Variants in INPP5D observed in about 807,000 individuals in gnomAD.
INPP5D encodes phosphatidylinositol 3,4,5-trisphosphate 5-phosphatase 1.
INPP5D carries 33 observed loss-of-function variants against 122.9 expected under a neutral mutation model. The observed-to-expected ratio is 0.27, with a 90% CI of 0.20 to 0.36. The LOEUF is 0.36. Ranked by LOEUF, INPP5D falls within the 10% of genes least tolerant of loss-of-function variation. INPP5D has a pLI of 1.00. For synonymous variants in INPP5D, 584 were observed against 576.2 expected (o/e 1.01, Z -0.19); for missense variants, 1,053 against 1,412.7 (o/e 0.75, Z 4.08).
intron 2 of INPP5D, among the ~76,000 whole-genome samples, chr2:233,102,837 A>G (rs932137077): frequency 1.4e-4 from 21 of 146,398 alleles, no homozygotes; most frequent in African/African-American, 5.2e-4. Context: ...GCGACAGAGC[A>G]AGACTCCGTC....
chr2:233,141,961 A>T (rs1246971130), intron 6 of INPP5D, among the ~76,000 whole-genome samples: 1 of 152,246 alleles, frequency 6.6e-6, no homozygotes, highest in Non-Finnish European at 1.5e-5. Flanking sequence ...GCTTTCTCTG[A>T]AGTGAATGAT....
intron 2 of INPP5D, among the ~76,000 whole-genome samples, chr2:233,092,708 G>C (rs956870320): frequency 3.3e-5 from 5 of 152,326 alleles, no homozygotes; most frequent in Middle Eastern, 3.4e-3. Flanking sequence ...CAATTTCAAA[G>C]GCAAACATTG....
chr2:233,110,684 A>C (rs1014674377), intron 2 of INPP5D, among the ~76,000 whole-genome samples: 6 of 152,174 alleles, frequency 3.9e-5, no homozygotes, highest in Non-Finnish European at 2.9e-5. Context: ...CACTTTGGGA[A>C]GCTGAGGCAG....
At chr2:233,104,970 T>C (rs2106237476) in intron 2 of INPP5D, among the ~76,000 whole-genome samples, 1 of 151,954 alleles carries the variant, frequency 6.6e-6, no homozygotes, top group Non-Finnish European at 1.5e-5. Flanking sequence ...AGCTGTGGAG[T>C]ATAAATTGCA....
intron 2 of INPP5D, among the ~76,000 whole-genome samples, chr2:233,104,535 C>T (rs947425026): frequency 1.3e-5 from 2 of 151,972 alleles, no homozygotes; most frequent in Admixed American, 6.6e-5. Context: ...AAGGTGAGGT[C>T]GGAAGTGTGC....
intron 9 of INPP5D, among the ~76,000 whole-genome samples, chr2:233,151,605 C>T (rs907849347): frequency 3.9e-5 from 6 of 152,226 alleles, no homozygotes; most frequent in Admixed American, 6.5e-5. Context: ...TCAGCAAGTG[C>T]GTGCTCAGGG....
At chr2:233,178,954 C>G (rs1190788560) in intron 18 of INPP5D, among the ~76,000 whole-genome samples, 1 of 152,212 alleles carries the variant, frequency 6.6e-6, no homozygotes, top group African/African-American at 2.4e-5. Context: ...TTATTTAACT[C>G]TGGTCCTATA....
At chr2:233,094,667 C>T (rs911229979) in intron 2 of INPP5D, among the ~76,000 whole-genome samples, 1 of 152,024 alleles carries the variant, frequency 6.6e-6, no homozygotes, top group Non-Finnish European at 1.5e-5. Flanking sequence ...AGATCAGCAT[C>T]ACCTGGAAGC....
At chr2:233,172,278 G>C (rs1484596764) in intron 17 of INPP5D, among the ~76,000 whole-genome samples, 3 of 152,222 alleles carry the variant, frequency 2.0e-5, no homozygotes, top group Non-Finnish European at 4.4e-5. Context: ...GAGGGCCTGA[G>C]ATGGGAGAGT....
chr2:233,205,008 TAGTCTAGTGTC>T (rs1160111854), intron 26 of INPP5D: 3 of 395,868 alleles, frequency 7.6e-6, no homozygotes, highest in Non-Finnish European at 1.3e-5. Context: ...TGGATAAACT[TAGTCTAGTGTC>T]AGTCCCAGAG....
intron 23 of INPP5D, among the ~76,000 whole-genome samples, chr2:233,194,325 G>T (rs947721497): frequency 1.4e-4 from 22 of 152,256 alleles, no homozygotes; most frequent in African/African-American, 5.3e-4. Context: ...GCTGTCCGGG[G>T]AAGGCCACAG....
At chr2:233,092,133 T>G (rs1366392548) in intron 2 of INPP5D, among the ~76,000 whole-genome samples, 2 of 152,168 alleles carry the variant, frequency 1.3e-5, no homozygotes, top group Non-Finnish European at 2.9e-5. Flanking sequence ...CTCTGCGAGG[T>G]TGGCGCTGGG....
At chr2:233,173,315 G>A (rs2106305173) in intron 17 of INPP5D, among the ~76,000 whole-genome samples, 1 of 152,180 alleles carries the variant, frequency 6.6e-6, no homozygotes, top group East Asian at 1.9e-4. Context: ...AGTGAGTGGT[G>A]AATGAGTGCG....
At chr2:233,115,381 G>A (rs1692759219) in intron 2 of INPP5D, among the ~76,000 whole-genome samples, 1 of 152,154 alleles carries the variant, frequency 6.6e-6, no homozygotes, top group South Asian at 2.1e-4. Flanking sequence ...ATTACCCACT[G>A]GGAAACTTGA....
intron 1 of INPP5D, among the ~76,000 whole-genome samples, chr2:233,075,099 C>T (rs1294139936): frequency 1.3e-5 from 2 of 152,180 alleles, no homozygotes; most frequent in Non-Finnish European, 2.9e-5. Context: ...TCTTTGCCTC[C>T]ACACTCAGCA....
At chr2:233,110,786 G>A (rs542347264) in intron 2 of INPP5D, among the ~76,000 whole-genome samples, 1 of 152,258 alleles carries the variant, frequency 6.6e-6, no homozygotes, top group Non-Finnish European at 1.5e-5. Context: ...TTAGCTGGGT[G>A]TGGTGGCACA....
chr2:233,086,398 C>T (rs1247275911), intron 2 of INPP5D, among the ~76,000 whole-genome samples: 1 of 151,954 alleles, frequency 6.6e-6, no homozygotes, highest in Non-Finnish European at 1.5e-5. Flanking sequence ...AGGCTGGTCT[C>T]GAACTCCTGA....
At chr2:233,200,255 G>A (rs1559348867) in intron 25 of INPP5D, among the ~76,000 whole-genome samples, 1 of 152,258 alleles carries the variant, frequency 6.6e-6, no homozygotes. Flanking sequence ...GAACAGAGCA[G>A]AGCCAACCAT....
intron 2 of INPP5D, among the ~76,000 whole-genome samples, chr2:233,085,186 G>T (rs955177565): frequency 1.3e-5 from 2 of 152,038 alleles, no homozygotes; most frequent in Admixed American, 6.6e-5. Context: ...AGGAGTTTGG[G>T]ACTAGCCTGG....
Sources: gnomAD v4.1 joint callset for allele counts (sites outside exome capture counted in the v4.1 genomes callset) on GRCh38, gnomAD v4.1.1 for gene constraint, MANE v1.5 for transcripts, NCBI Gene and HGNC (gene_info 2026-07-23, HGNC 2026-07-21) for gene names.